Variants in RBFOX1 observed in about 807,000 individuals in gnomAD.
RBFOX1 encodes RNA binding fox-1 homolog 1.
A neutral mutation model predicts 57.7 loss-of-function variants in RBFOX1; 8 were observed. The observed-to-expected ratio is 0.14, with a 90% confidence interval of 0.08 to 0.25. RBFOX1 has a LOEUF of 0.25. RBFOX1 is among the 10% of genes least tolerant of loss of function. The pLI, the probability that RBFOX1 is intolerant of heterozygous loss-of-function variation, is 1.00. For synonymous variants in RBFOX1, 326 were observed against 222.4 expected, an observed-to-expected ratio of 1.47 and a Z score of -4.15; for missense variants, 611 against 548.5, an observed-to-expected ratio of 1.11 and a Z score of -1.14.
At chr16:7,352,046 C>A (rs1157316338) in intron 4 of RBFOX1, among the ~76,000 whole-genome samples, 1 of 152,138 alleles carries the variant, frequency 6.6e-6, no homozygotes, top group Non-Finnish European at 1.5e-5. Flanking sequence ...AGAGTTTCCC[C>A]TTAAATAATA....
chr16:6,700,926 C>G (rs988277240), intron 3 of RBFOX1, among the ~76,000 whole-genome samples: 3 of 152,222 alleles, frequency 2.0e-5, no homozygotes, highest in South Asian at 4.1e-4. Flanking sequence ...GACTACTTAA[C>G]CATTGTTCGA....
intron 4 of RBFOX1, among the ~76,000 whole-genome samples, chr16:7,295,937 G>C (rs566616887): frequency 6.6e-6 from 1 of 152,204 alleles, no homozygotes; most frequent in African/African-American, 2.4e-5. Context: ...GTTTGGTTTG[G>C]TTTGCTGCAG....
chr16:6,642,110 G>C (rs1015260143), intron 2 of RBFOX1, among the ~76,000 whole-genome samples: 1 of 152,146 alleles, frequency 6.6e-6, no homozygotes, highest in African/African-American at 2.4e-5. Context: ...GGGTCTGAGA[G>C]AAATGAAAAG....
Position 6,450,804 on chromosome 16 carries a change from T to TAC in RBFOX1, c.-64+133748_-64+133749insCA, listed in dbSNP as rs1567303195. Reference sequence around the variant, plus strand: ...ATATATATATACATATATATATGTATATATATATATATACATATATATATA... The same window carrying TAC: ...ATATATATATACATATATATATGTATACATATATATATATACATATATATATA... On this transcript the variant is annotated intron_variant, in intron 2 of 15. Transcript: ENST00000550418. Among the ~76,000 whole-genome samples, 36 of 10,408 alleles carry TAC rather than the reference T, an allele frequency of 3.5e-3. 3 individuals carry two copies. The highest frequency in any genetic ancestry group is 0.018 in the African/African-American group (27 of 1,508). The allele number at this position is 10,408 out of a possible 152,430, so 6.8% of individuals were successfully genotyped here.
intron 3 of RBFOX1, among the ~76,000 whole-genome samples, chr16:5,818,916 C>T (rs1288403794): frequency 1.3e-5 from 2 of 152,178 alleles, no homozygotes; most frequent in East Asian, 3.9e-4. Context: ...TCACCTTTGA[C>T]TCATCTCTTT....
chr16:6,253,103 A>G (rs1301443713), intron 1 of RBFOX1, among the ~76,000 whole-genome samples: 11 of 152,242 alleles, frequency 7.2e-5, no homozygotes, highest in East Asian at 3.9e-4. Context: ...ATGTATCTCT[A>G]TCTATCTCTA....
intron 1 of RBFOX1, among the ~76,000 whole-genome samples, chr16:5,302,413 G>C (rs7500091): frequency 0.051 from 7,704 of 152,208 alleles, 639 homozygotes; most frequent in African/African-American, 0.17. Flanking sequence ...GTATTCTGTA[G>C]TTTTTGGGTC....
chr16:7,202,750 G>A (rs1007500022), intron 4 of RBFOX1, among the ~76,000 whole-genome samples: 8 of 152,130 alleles, frequency 5.3e-5, no homozygotes, highest in Non-Finnish European at 1.2e-4. Context: ...AGAATCTAAT[G>A]CCTGATGATC....
At chr16:5,712,112 C>T (rs2051510255) in intron 3 of RBFOX1, among the ~76,000 whole-genome samples, 1 of 152,116 alleles carries the variant, frequency 6.6e-6, no homozygotes, top group African/African-American at 2.4e-5. Context: ...TGTATAAAAC[C>T]ATTACATCTT....
At chr16:6,565,721 G>A (rs1370863920) in intron 2 of RBFOX1, among the ~76,000 whole-genome samples, 1 of 152,176 alleles carries the variant, frequency 6.6e-6, no homozygotes, top group Non-Finnish European at 1.5e-5. Flanking sequence ...GCCCGCTTTG[G>A]CTTTCCAAAG....
chr16:5,596,091 A>T (rs1287916165), intron 2 of RBFOX1, among the ~76,000 whole-genome samples: 1 of 152,082 alleles, frequency 6.6e-6, no homozygotes, highest in Non-Finnish European at 1.5e-5. Flanking sequence ...AGGCTCAGGG[A>T]TGTGGAGAGG....
At chr16:6,922,247 G>T (rs1011185073) in intron 3 of RBFOX1, among the ~76,000 whole-genome samples, 2 of 152,140 alleles carry the variant, frequency 1.3e-5, no homozygotes, top group Non-Finnish European at 2.9e-5. Context: ...ATCTCAGAAA[G>T]ACCTGAGCAT....
At chr16:6,194,171 G>C (rs13334436) in intron 1 of RBFOX1, among the ~76,000 whole-genome samples, 14,561 of 152,046 alleles carry the variant, frequency 0.096, 860 homozygotes, top group East Asian at 0.22. Context: ...CCTCAGTTTA[G>C]AAACTTGTTG....
chr16:6,960,225 A>G (rs1205264698), intron 3 of RBFOX1, among the ~76,000 whole-genome samples: 2 of 152,262 alleles, frequency 1.3e-5, no homozygotes, highest in African/African-American at 4.8e-5. Flanking sequence ...CAGCACCTGG[A>G]CCCATTTAGA....
rs1238947428 is a variant in RBFOX1, at chr16:7,630,475, C to T, written c.677-128C>T. ...TAAGGCAGGGGGCTTTGTTGGGTAC[C>T]CTTGTCCTGCGCTCTGGGATGTGGC... On this transcript the variant is annotated intron_variant, in intron 10 of 15. Transcript: ENST00000550418. 2.6e-6 allele frequency: 4 copies of T among 1,525,940 alleles called. No homozygotes were observed. In the African/African-American group the frequency reaches 4.2e-5, roughly 16 times the overall value. The allele number at this position is 1,525,940 out of a possible 1,614,324, so 94.5% of individuals were successfully genotyped here.
At chr16:6,215,199 A>G (rs111208314) in intron 1 of RBFOX1, among the ~76,000 whole-genome samples, 5 of 116,410 alleles carry the variant, frequency 4.3e-5, no homozygotes, top group African/African-American at 1.7e-4. Context: ...GGAGAGGAGG[A>G]TAAGGAGAGG....
chr16:5,275,482 A>T (rs1194629328), intron 1 of RBFOX1, among the ~76,000 whole-genome samples: 1 of 152,220 alleles, frequency 6.6e-6, no homozygotes, highest in African/African-American at 2.4e-5. Flanking sequence ...CTAACCAAGG[A>T]GGTGAAATAC....
chr16:7,049,508 T>A (rs1378569610), intron 3 of RBFOX1, among the ~76,000 whole-genome samples: 1 of 152,214 alleles, frequency 6.6e-6, no homozygotes, highest in Non-Finnish European at 1.5e-5. Flanking sequence ...TCTCTTAGTG[T>A]TAAGACTCAT....
chr16:5,852,344 C>T (rs1247207644), intron 3 of RBFOX1, among the ~76,000 whole-genome samples: 2 of 152,054 alleles, frequency 1.3e-5, no homozygotes, highest in Admixed American at 6.5e-5. Context: ...AAGGGCCTGT[C>T]TAGAGGTGAG....
Sources: allele counts gnomAD v4.1 joint callset (sites outside exome capture counted in the v4.1 genomes callset), GRCh38; gene constraint gnomAD v4.1.1; transcripts MANE v1.5; gene names NCBI Gene and HGNC (gene_info 2026-07-23, HGNC 2026-07-21).